The following ROBO2 variants were observed in gnomAD, a reference collection of about 807,000 sequenced individuals.
The protein encoded by ROBO2 is roundabout guidance receptor 2, also known as roundabout homolog 2.
ROBO2 carries 53 observed loss-of-function variants against 160.8 expected under a neutral mutation model. That is an observed-to-expected ratio of 0.33 (90% CI 0.26 to 0.41). The LOEUF is 0.41. Ranked by LOEUF, ROBO2 falls within the 10% of genes least tolerant of loss-of-function variation. The probability of loss-of-function intolerance (pLI) is 1.00; values close to 1 mark genes in which losing one functional copy is unlikely to be tolerated. For synonymous variants in ROBO2, 664 were observed against 611.7 expected (o/e 1.09, Z -1.26); for missense variants, 1,577 against 1,722.4 (o/e 0.92, Z 1.49).
At chr3:76,448,336 T>C (rs899197928) in intron 2 of ROBO2, among the ~76,000 whole-genome samples, 1 of 152,220 alleles carries the variant, frequency 6.6e-6, no homozygotes, top group Non-Finnish European at 1.5e-5. Context: ...ATCTTGCAAC[T>C]GATAATGTGT....
At chr3:76,957,029 C>T (rs939446415) in intron 2 of ROBO2, among the ~76,000 whole-genome samples, 15 of 152,008 alleles carry the variant, frequency 9.9e-5, no homozygotes, top group Admixed American at 1.3e-4. Flanking sequence ...TCAAATCTTA[C>T]GTTTAGGCAC....
chr3:76,619,311 G>A (rs1316559018), intron 2 of ROBO2, among the ~76,000 whole-genome samples: 3 of 148,496 alleles, frequency 2.0e-5, no homozygotes, highest in Non-Finnish European at 3.0e-5. Context: ...CTGCACTCCA[G>A]CCTGGGCGAC....
chr3:77,558,729 C>A (rs941618376), intron 9 of ROBO2, among the ~76,000 whole-genome samples: 4 of 152,004 alleles, frequency 2.6e-5, no homozygotes, highest in African/African-American at 9.7e-5. Context: ...TTCCTGGCAA[C>A]TTAACAAGTC....
intron 4 of ROBO2, among the ~76,000 whole-genome samples, chr3:77,482,013 G>T (rs6770613): frequency 6.6e-6 from 1 of 152,068 alleles, no homozygotes; most frequent in Non-Finnish European, 1.5e-5. Context: ...CACTCTTTTA[G>T]AATACATTCT....
chr3:76,167,420 TC>T (rs1197010814), intron 2 of ROBO2, among the ~76,000 whole-genome samples: 2 of 152,206 alleles, frequency 1.3e-5, no homozygotes, highest in African/African-American at 4.8e-5. Flanking sequence ...TGTTAAGCCT[TC>T]CCTTGACCAT....
At chr3:77,267,416 A>T (rs970957088) in intron 2 of ROBO2, among the ~76,000 whole-genome samples, 1 of 152,192 alleles carries the variant, frequency 6.6e-6, no homozygotes, top group Non-Finnish European at 1.5e-5. Flanking sequence ...GAAATGTTTC[A>T]TATTCCCAGG....
chr3:76,862,448 A>T (rs1369970169), intron 2 of ROBO2, among the ~76,000 whole-genome samples: 1 of 152,150 alleles, frequency 6.6e-6, no homozygotes, highest in Non-Finnish European at 1.5e-5. Context: ...AGGAAATAAG[A>T]ATCCAAATAA....
intron 2 of ROBO2, among the ~76,000 whole-genome samples, chr3:77,185,300 A>T (rs990349562): frequency 6.6e-6 from 1 of 152,020 alleles, no homozygotes; most frequent in African/African-American, 2.4e-5. Context: ...TGTTACAGAC[A>T]GATTACTGAA....
chr3:76,697,028 G>C (rs545964712), intron 2 of ROBO2, among the ~76,000 whole-genome samples: 1 of 152,240 alleles, frequency 6.6e-6, no homozygotes, highest in Non-Finnish European at 1.5e-5. Context: ...GATATAGCTG[G>C]AATATCATGA....
intron 2 of ROBO2, among the ~76,000 whole-genome samples, chr3:76,929,220 A>G (rs1190149478): frequency 6.6e-6 from 1 of 152,196 alleles, no homozygotes; most frequent in African/African-American, 2.4e-5. Context: ...AGATTACGCC[A>G]TTGCACTCCA....
intron 2 of ROBO2, among the ~76,000 whole-genome samples, chr3:76,141,209 A>G (rs1424317594): frequency 2.3e-5 from 3 of 129,212 alleles, no homozygotes; most frequent in Admixed American, 1.6e-4. Context: ...ATATATATAT[A>G]TCAGACATTA....
At chr3:77,144,973 A>G (rs1458890342) in intron 2 of ROBO2, among the ~76,000 whole-genome samples, 17 of 152,186 alleles carry the variant, frequency 1.1e-4, no homozygotes, top group Non-Finnish European at 7.3e-5. Context: ...AGGTAAAAAC[A>G]TATATTATGA....
At chr3:77,282,625 T>A (rs571653216) in intron 2 of ROBO2, among the ~76,000 whole-genome samples, 1 of 152,240 alleles carries the variant, frequency 6.6e-6, no homozygotes. Flanking sequence ...CATTCATACT[T>A]GATAAAATGT....
intron 2 of ROBO2, among the ~76,000 whole-genome samples, chr3:77,445,880 T>C (rs1312825463): frequency 2.0e-5 from 3 of 151,348 alleles, no homozygotes; most frequent in African/African-American, 7.3e-5. Flanking sequence ...TGAAACTGTG[T>C]CTAGTATACT....
chr3:76,524,523 T>C (rs932877665), intron 2 of ROBO2, among the ~76,000 whole-genome samples: 1 of 151,806 alleles, frequency 6.6e-6, no homozygotes, highest in African/African-American at 2.4e-5. Flanking sequence ...TATAATGGTT[T>C]GGGTTACTCT....
chr3:76,089,215 A>G (rs1202889738), intron 2 of ROBO2, among the ~76,000 whole-genome samples: 1 of 152,028 alleles, frequency 6.6e-6, no homozygotes, highest in African/African-American at 2.4e-5. Context: ...AATAGAAAAT[A>G]CCAGACCCAG....
rs1465875996 is a variant in ROBO2 at position 76,762,534 on chromosome 3, C to G, written c.110-335480C>G. Among the ~76,000 whole-genome samples the G allele has an allele frequency of 2.0e-5, 3 of 147,734 alleles. No homozygotes were observed. In the East Asian group the frequency reaches 6.3e-4, roughly 31 times the overall value. ...TCAGTATTTACATGGACAATCAAAA[C>G]TAACTGCAAACAACCATCTTTTGGT... On this transcript the variant is annotated intron_variant, in intron 2 of 26. Coordinates refer to the ROBO2 transcript ENST00000487694.
chr3:75,931,178 A>G (rs910870650), intron 1 of ROBO2, among the ~76,000 whole-genome samples: 11 of 152,172 alleles, frequency 7.2e-5, no homozygotes, highest in African/African-American at 2.7e-4. Flanking sequence ...GGTTTCTTCT[A>G]CATGCCAAGA....
In ROBO2 at chr3:76,736,335, G is replaced by A. The variant is rs375699229; in HGVS notation, c.110-361679G>A. Among the ~76,000 whole-genome samples, 12 of 59,988 alleles carry A rather than the reference G, an allele frequency of 2.0e-4. No individual in the cohort carries two copies. In the East Asian group the frequency reaches 4.2e-3, roughly 21 times the overall value. 39.4% of individuals were successfully genotyped at this position (59,988 alleles called of 152,430 possible). ...AAATAAAATAATAAAGCCTACAAAC[G>A]TATCAGTAGACACTGAATATTAAGT... On this transcript the variant is annotated intron_variant, in intron 2 of 26. Transcript: ENST00000487694.
Sources: gnomAD v4.1 joint callset for allele counts (sites outside exome capture counted in the v4.1 genomes callset) on GRCh38, gnomAD v4.1.1 for gene constraint, MANE v1.5 for transcripts, NCBI Gene and HGNC (gene_info 2026-07-23, HGNC 2026-07-21) for gene names.